Variants in ZMYM2 observed in about 807,000 individuals in gnomAD.
ZMYM2 encodes zinc finger MYM-type containing 2.
Under a neutral mutation model 162.8 loss-of-function variants are expected in ZMYM2, and 56 were observed. The ratio of observed to expected loss-of-function variants is 0.34; its 90% CI spans 0.28 to 0.43. The LOEUF (loss-of-function observed/expected upper bound fraction) is 0.43. ZMYM2 is among the 20% of genes least tolerant of loss of function. ZMYM2 has a pLI of 1.00. For missense variants in ZMYM2, 1,275 were observed against 1,621.8 expected, an observed-to-expected ratio of 0.79 and a Z score of 3.67; for synonymous variants, 510 against 541.6, an observed-to-expected ratio of 0.94 and a Z score of 0.81.
At chr13:19,927,862 A>G in the ZMYM2 span, among the ~76,000 whole-genome samples, 3 of 152,180 alleles carry the variant, frequency 2.0e-5, no homozygotes, top group Non-Finnish European at 4.4e-5. Flanking sequence ...ATATTTCACT[A>G]TAGTCTGAAT....
the ZMYM2 span, among the ~76,000 whole-genome samples, chr13:19,946,847 C>T: frequency 6.6e-6 from 1 of 152,152 alleles, no homozygotes; most frequent in Non-Finnish European, 1.5e-5. Flanking sequence ...AAATTAGTTT[C>T]TTACAATTAA....
At position 20,064,522 on chromosome 13, in the gene ZMYM2, C is replaced by T. The variant is rs1435668546; in HGVS notation, c.3109C>T (p.Pro1037Ser). The T allele has an allele frequency of 6.3e-6, 10 of 1,590,408 alleles. No homozygotes were observed. In the South Asian group the frequency reaches 1.2e-4, roughly 18 times the overall value. ...TTTTGGCGAAGAATATGAGGAACAG[C>T]CCAGACCTCGATCTAAAAAAAAGGT... ...PVFGEEYEEQ[P>S]RPRSKKKGAK... The change falls in exon 19 of 25, where the codon CCC becomes TCC. Residue 1037 changes from proline to serine, a missense_variant. Pro to Ser is a moderately conservative substitution (Grantham distance 74). Transcript: ENST00000610343.
rs35521546 is a variant in ZMYM2, at chr13:20,066,749, AG to A, written c.3133-99del. Reference sequence around the variant, plus strand: ...CTGCAGTTCAAACCCATGTTGCTCAAGGGTCAATTGTAATTTGCCTTTGTTG... The same window carrying A: ...CTGCAGTTCAAACCCATGTTGCTCAAGGTCAATTGTAATTTGCCTTTGTTG... On this transcript the variant is annotated intron_variant, in intron 19 of 24. Coordinates refer to ENST00000610343, the MANE Select transcript of ZMYM2 (RefSeq NM_197968.4). The A allele has an allele frequency of 2.5e-5, 30 of 1,183,210 alleles. 1 individual carries two copies. In the South Asian group the frequency reaches 6.0e-4, roughly 23 times the overall value. The allele number at this position is 1,183,210 out of a possible 1,614,324, so 73.3% of individuals were successfully genotyped here.
At chr13:19,923,356 C>CAAAA in the ZMYM2 span, among the ~76,000 whole-genome samples, 1 of 57,366 alleles carries the variant, frequency 1.7e-5, no homozygotes, top group African/African-American at 7.4e-5. Context: ...GACTCCGTCG[C>CAAAA]AAAAAAAAAA....
chr13:19,929,783 C>T, the ZMYM2 span, among the ~76,000 whole-genome samples: 2 of 152,174 alleles, frequency 1.3e-5, no homozygotes, highest in African/African-American at 4.8e-5. Flanking sequence ...TATTTCTCTC[C>T]TATCCTCTGG....
chr13:19,916,592 C>G, the ZMYM2 span, among the ~76,000 whole-genome samples: 1 of 151,942 alleles, frequency 6.6e-6, no homozygotes, highest in Non-Finnish European at 1.5e-5. Context: ...AACCATCATT[C>G]TCAGCAAACT....
At chr13:19,909,824 C>G in the ZMYM2 span, among the ~76,000 whole-genome samples, 1 of 152,106 alleles carries the variant, frequency 6.6e-6, no homozygotes, top group Non-Finnish European at 1.5e-5. Context: ...TTCAAAATAA[C>G]TTCTCGTGTT....
chr13:20,038,131 T>G (rs1953905663), intron 12 of ZMYM2, among the ~76,000 whole-genome samples: 2 of 152,210 alleles, frequency 1.3e-5, no homozygotes, highest in African/African-American at 4.8e-5. Context: ...AATCTCTTTT[T>G]TATTGCTGCA....
intron 3 of ZMYM2, 53 bp from the exon 4 acceptor site, chr13:20,002,797 T>C: frequency 6.4e-7 from 1 of 1,563,462 alleles, no homozygotes; most frequent in Non-Finnish European, 8.7e-7. Flanking sequence ...AATTTTAATA[T>C]GTATAAACAA....
At chr13:20,000,929 C>G (rs750145532) in intron 3 of ZMYM2, among the ~76,000 whole-genome samples, 75 of 152,152 alleles carry the variant, frequency 4.9e-4, no homozygotes, top group Non-Finnish European at 8.5e-4. Flanking sequence ...TTCTCAGTGC[C>G]CTTATGAACA....
chr13:20,035,730 G>GT (rs1367208927), intron 11 of ZMYM2, among the ~76,000 whole-genome samples: 1 of 152,184 alleles, frequency 6.6e-6, no homozygotes, highest in South Asian at 2.1e-4. Flanking sequence ...GAATGTGTGG[G>GT]TTTTTTTCCT....
the ZMYM2 span, among the ~76,000 whole-genome samples, chr13:19,931,461 G>A: frequency 7.2e-5 from 11 of 152,096 alleles, no homozygotes; most frequent in Admixed American, 5.2e-4. Flanking sequence ...AAAATTCTCC[G>A]TGTTTCACCT....
chr13:20,015,131 G>T (rs1951517251), intron 6 of ZMYM2, among the ~76,000 whole-genome samples: 1 of 151,990 alleles, frequency 6.6e-6, no homozygotes, highest in African/African-American at 2.4e-5. Flanking sequence ...TATTTAAGTT[G>T]CATCTCATAA....
At chr13:19,894,348 G>GTTT in the ZMYM2 span, among the ~76,000 whole-genome samples, 5 of 141,864 alleles carry the variant, frequency 3.5e-5, no homozygotes, top group African/African-American at 1.3e-4. Flanking sequence ...TGGATATCTT[G>GTTT]TTTTTTTTTT....
Position 20,076,318 on chromosome 13 carries a change from C to T in ZMYM2, c.3454-5698C>T, listed in dbSNP as rs1957501048. Among the ~76,000 whole-genome samples the T allele has an allele frequency of 2.0e-5, 3 of 150,632 alleles. No individual in the cohort carries two copies. In the South Asian group the frequency reaches 6.2e-4, roughly 31 times the overall value. ...AGTGTATACTTTCCTTCCTCCTCTG[C>T]TCCCCTCCTGCCCCACACAAATCTT... is the stretch of plus-strand genomic sequence containing the variant. On this transcript the variant is annotated intron_variant, in intron 21 of 24. Coordinates refer to ENST00000610343, the MANE Select transcript of ZMYM2 (RefSeq NM_197968.4).
chr13:20,009,200 GGACTT>G (rs1251149305), intron 6 of ZMYM2, among the ~76,000 whole-genome samples: 1 of 152,022 alleles, frequency 6.6e-6, no homozygotes, highest in Non-Finnish European at 1.5e-5. Context: ...TTCCCCAACT[GGACTT>G]CAGCGCAGAC....
At chr13:20,016,469 A>G (rs934190728) in intron 6 of ZMYM2, among the ~76,000 whole-genome samples, 4 of 152,178 alleles carry the variant, frequency 2.6e-5, no homozygotes, top group African/African-American at 4.8e-5. Flanking sequence ...GATTGGGTCA[A>G]GTGTATTCCT....
rs560222044 is a variant in ZMYM2, at chr13:20,036,781, T to C, written c.2164T>C (p.Leu722=). Residue 722 remains leucine (L), a synonymous_variant, in exon 12 of 25, where the codon TTG becomes CTG. Coordinates refer to ENST00000610343, the MANE Select transcript of ZMYM2 (RefSeq NM_197968.4). ...ACAGGATTTTGCCAGACGTTTAGGA[T>C]TGAGATGTGTTACTTGCAACTATTG... is the stretch of plus-strand genomic sequence containing the variant. ...YKQDFARRLG[L]RCVTCNYCSQ... 11 of 1,599,112 alleles carry C rather than the reference T, an allele frequency of 6.9e-6. No homozygotes were observed. The Admixed American group carries it at 8.6e-5, about 13-fold the overall frequency.
chr13:20,065,478 T>C (rs1025000917), intron 19 of ZMYM2, among the ~76,000 whole-genome samples: 2 of 152,040 alleles, frequency 1.3e-5, no homozygotes, highest in African/African-American at 2.4e-5. Flanking sequence ...ATTAAAAACT[T>C]TTGCATTGCA....
Sources: allele counts gnomAD v4.1 joint callset (sites outside exome capture counted in the v4.1 genomes callset), GRCh38; gene constraint gnomAD v4.1.1; transcripts MANE v1.5; gene names NCBI Gene and HGNC (gene_info 2026-07-23, HGNC 2026-07-21).